ABHD17C: variants seen among roughly 807,000 people sequenced by gnomAD.
ABHD17C encodes alpha/beta hydrolase domain-containing protein 17C.
Under a neutral mutation model 27.9 loss-of-function variants are expected in ABHD17C, and 11 were observed. The observed-to-expected ratio is 0.39, with a 90% CI of 0.25 to 0.65. The LOEUF (loss-of-function observed/expected upper bound fraction) is 0.65, where lower values mean the gene tolerates loss of function less well. Ranked by LOEUF, ABHD17C falls within the 30% of genes least tolerant of loss-of-function variation. The pLI, the probability that ABHD17C is intolerant of heterozygous loss-of-function variation, is 0.45. For missense variants in ABHD17C, 280 were observed against 470.2 expected, an observed-to-expected ratio of 0.60 and a Z score of 3.74; for synonymous variants, 233 against 209.1, an observed-to-expected ratio of 1.11 and a Z score of -0.98.
intron 2 of ABHD17C, among the ~76,000 whole-genome samples, chr15:80,750,326 A>G (rs1895349590): frequency 6.6e-6 from 1 of 152,176 alleles, no homozygotes; most frequent in Non-Finnish European, 1.5e-5. Flanking sequence ...CTTTGACCGG[A>G]AGATCTCACC....
intron 1 of ABHD17C, among the ~76,000 whole-genome samples, chr15:80,704,329 C>G (rs1406913970): frequency 6.6e-6 from 1 of 152,146 alleles, no homozygotes. Context: ...CAAGCCTTTT[C>G]CCTCATTCAC....
At chr15:80,736,662 C>G (rs1238364426) in intron 1 of ABHD17C, among the ~76,000 whole-genome samples, 1 of 152,126 alleles carries the variant, frequency 6.6e-6, no homozygotes, top group African/African-American at 2.4e-5. Flanking sequence ...TAAGATATTT[C>G]CACTAGGAAT....
At chr15:80,743,222 C>G (rs1895233558) in intron 1 of ABHD17C, among the ~76,000 whole-genome samples, 1 of 152,088 alleles carries the variant, frequency 6.6e-6, no homozygotes, top group African/African-American at 2.4e-5. Flanking sequence ...TTGTTAAGAA[C>G]CAACATGTCT....
At chr15:80,706,003 CAG>C (rs998436809) in intron 1 of ABHD17C, among the ~76,000 whole-genome samples, 3 of 152,152 alleles carry the variant, frequency 2.0e-5, no homozygotes, top group African/African-American at 7.2e-5. Flanking sequence ...CTTCTCTGAG[CAG>C]AGTTAGGGAT....
At chr15:80,710,472 G>A (rs1894714013) in intron 1 of ABHD17C, among the ~76,000 whole-genome samples, 1 of 152,190 alleles carries the variant, frequency 6.6e-6, no homozygotes, top group Non-Finnish European at 1.5e-5. Flanking sequence ...CAAATTGGAG[G>A]AGCTGATATG....
intron 1 of ABHD17C, among the ~76,000 whole-genome samples, chr15:80,728,114 C>T (rs764920055): frequency 1.3e-5 from 2 of 152,154 alleles, no homozygotes; most frequent in African/African-American, 2.4e-5. Context: ...CTGGTGGCAC[C>T]ACCTTGTAAA....
At chr15:80,750,403 C>G (rs1895350643) in intron 2 of ABHD17C, among the ~76,000 whole-genome samples, 1 of 152,150 alleles carries the variant, frequency 6.6e-6, no homozygotes. Context: ...ATGCTTTTCC[C>G]ACAGTCCTTG....
rs554658233 is a variant in ABHD17C, at chr15:80,727,253, T to C, written c.591-22260T>C. Among the ~76,000 whole-genome samples the C allele has an allele frequency of 6.6e-5, 10 of 152,298 alleles. No homozygotes were observed. The South Asian group carries it at 1.0e-3, about 16-fold the overall frequency. ...AATCGTCTAGGGTCACTCAGTAGTT[T>C]AGTGCATTTAAGCAGAGATTGAGGG... On this transcript the variant is annotated intron_variant, in intron 1 of 2. Coordinates refer to ENST00000258884, the MANE Select transcript of ABHD17C (RefSeq NM_021214.2).
At chr15:80,698,214 G>A (rs571138384) in intron 1 of ABHD17C, among the ~76,000 whole-genome samples, 110 of 151,824 alleles carry the variant, frequency 7.2e-4, no homozygotes, top group Non-Finnish European at 1.4e-3. Context: ...ACAGGCGCCC[G>A]CCACCGCGTC....
In ABHD17C at chr15:80,749,513, G is replaced by A. The variant is rs768697448; in HGVS notation, c.591G>A (p.Arg197=). 4 of 1,613,530 alleles carry A rather than the reference G, an allele frequency of 2.5e-6. No individual in the cohort carries two copies. Among genetic ancestry groups the A allele is most frequent in the Non-Finnish European group, 8.5e-7 (1 of 1,179,680 alleles). Residue 197 remains arginine (R), a splice_region_variant and synonymous_variant, in exon 2 of 3, where the codon CGG becomes CGA. Transcript: ENST00000258884. ...IDAAWQALRT[R]YGVSPENIIL... ...GGCATACAACCTCTGATTTCTCCAG[G>A]TATGGCGTGAGTCCCGAGAACATTA...
chr15:80,708,725 A>G (rs1389719875), intron 1 of ABHD17C, among the ~76,000 whole-genome samples: 3 of 152,186 alleles, frequency 2.0e-5, no homozygotes, highest in Non-Finnish European at 4.4e-5. Context: ...CTGGCGGGTA[A>G]TGGGTACTCA....
At chr15:80,746,748 C>A (rs887098374) in intron 1 of ABHD17C, among the ~76,000 whole-genome samples, 3 of 152,228 alleles carry the variant, frequency 2.0e-5, no homozygotes, top group African/African-American at 7.2e-5. Flanking sequence ...TCTGCCTTGT[C>A]TCCTGGGCTG....
chr15:80,754,292 G>C lies in ABHD17C; in HGVS notation c.912G>C (p.Gly304=). 3 of 1,613,978 alleles carry C rather than the reference G, an allele frequency of 1.9e-6. No individual in the cohort carries two copies. Among genetic ancestry groups the C allele is most frequent in the Non-Finnish European group, 2.5e-6 (3 of 1,179,890 alleles). ...AVEPLWVEGA[G]HNDIELYAQY... ...AGCCCCTTTGGGTTGAAGGGGCTGG[G>C]CATAATGACATAGAGCTTTATGCAC... The change falls in exon 3 of 3, where the codon GGG becomes GGC. Residue 304 remains glycine (G), a synonymous_variant. Transcript: ENST00000258884.
intron 1 of ABHD17C, among the ~76,000 whole-genome samples, chr15:80,739,493 G>A (rs1439173417): frequency 6.6e-6 from 1 of 152,144 alleles, no homozygotes; most frequent in Non-Finnish European, 1.5e-5. Flanking sequence ...GGGTCATGTG[G>A]GTGGATCCCT....
intron 1 of ABHD17C, among the ~76,000 whole-genome samples, chr15:80,736,976 G>A (rs57961553): frequency 3.3e-5 from 5 of 152,286 alleles, no homozygotes; most frequent in Admixed American, 2.0e-4. Context: ...GCTTCCTCTT[G>A]CTGCTGAGAT....
At chr15:80,748,325 G>A (rs922093873) in intron 1 of ABHD17C, among the ~76,000 whole-genome samples, 3 of 152,172 alleles carry the variant, frequency 2.0e-5, no homozygotes, top group African/African-American at 7.2e-5. Context: ...GAGAATTGTT[G>A]GCTCACGGGC....
chr15:80,737,173 G>A (rs1285533436), intron 1 of ABHD17C, among the ~76,000 whole-genome samples: 1 of 152,154 alleles, frequency 6.6e-6, no homozygotes, highest in Non-Finnish European at 1.5e-5. Flanking sequence ...TGCACACATC[G>A]CACTGCCCGT....
chr15:80,715,118 C>T (rs1318047250), intron 1 of ABHD17C, among the ~76,000 whole-genome samples: 1 of 152,212 alleles, frequency 6.6e-6, no homozygotes, highest in Non-Finnish European at 1.5e-5. Context: ...TTTGTATACC[C>T]CTAGAGAGGT....
chr15:80,750,302 A>G (rs1454742349), intron 2 of ABHD17C, among the ~76,000 whole-genome samples: 3 of 152,150 alleles, frequency 2.0e-5, no homozygotes, highest in Non-Finnish European at 4.4e-5. Flanking sequence ...GCCACCCCCT[A>G]TTCTGCTCTA....
Sources: allele counts gnomAD v4.1 joint callset (sites outside exome capture counted in the v4.1 genomes callset), GRCh38; gene constraint gnomAD v4.1.1; transcripts MANE v1.5; gene names NCBI Gene and HGNC (gene_info 2026-07-23, HGNC 2026-07-21).